The following FSHR variants were observed in gnomAD, a reference collection of about 807,000 sequenced individuals.
FSHR encodes follicle-stimulating hormone receptor.
In FSHR, 46 loss-of-function variants were observed where a neutral mutation model predicts 52.1. That is an observed-to-expected ratio of 0.88 (90% CI 0.70 to 1.13). FSHR has a LOEUF of 1.13. Ranked by LOEUF, FSHR falls within the 50% of genes most tolerant of loss-of-function variation. The pLI is 0.00. For synonymous variants in FSHR, 399 were observed against 309.6 expected, an observed-to-expected ratio of 1.29 and a Z score of -3.03; for missense variants, 964 against 834.6, an observed-to-expected ratio of 1.16 and a Z score of -1.91.
intron 2 of FSHR, among the ~76,000 whole-genome samples, chr2:49,043,818 G>A (rs1332016802): frequency 1.3e-5 from 2 of 152,164 alleles, no homozygotes; most frequent in East Asian, 1.9e-4. Flanking sequence ...ACCTCTTTGA[G>A]AAGACCTCGG....
chr2:49,037,234 G>C (rs1384902219), intron 2 of FSHR, among the ~76,000 whole-genome samples: 1 of 152,162 alleles, frequency 6.6e-6, no homozygotes, highest in East Asian at 1.9e-4. Context: ...GATTATGTTG[G>C]GTGAGAATTC....
chr2:49,059,341 G>C (rs1369792200), intron 2 of FSHR, among the ~76,000 whole-genome samples: 2 of 151,930 alleles, frequency 1.3e-5, no homozygotes, highest in African/African-American at 4.8e-5. Context: ...AAAGAACAAA[G>C]TTGGCAGCAT....
At chr2:49,036,288 C>T (rs1230463186) in intron 2 of FSHR, among the ~76,000 whole-genome samples, 1 of 151,824 alleles carries the variant, frequency 6.6e-6, no homozygotes, top group Non-Finnish European at 1.5e-5. Flanking sequence ...TTTATTACCA[C>T]CAAAAAAAGG....
chr2:48,964,595 A>G (rs1674385829), intron 9 of FSHR, among the ~76,000 whole-genome samples: 1 of 152,118 alleles, frequency 6.6e-6, no homozygotes, highest in Non-Finnish European at 1.5e-5. Flanking sequence ...AGGCCTCAGC[A>G]TGTGCTTGTC....
At chr2:49,151,441 G>A (rs1469736623) in intron 1 of FSHR, among the ~76,000 whole-genome samples, 1 of 152,118 alleles carries the variant, frequency 6.6e-6, no homozygotes, top group Admixed American at 6.6e-5. Context: ...CTACTTGCCT[G>A]TTGATGGTGC....
At chr2:49,007,930 C>T (rs1222981939) in intron 4 of FSHR, among the ~76,000 whole-genome samples, 1 of 151,930 alleles carries the variant, frequency 6.6e-6, no homozygotes, top group Non-Finnish European at 1.5e-5. Flanking sequence ...GATGAAGTCT[C>T]TTGCATGGGC....
intron 2 of FSHR, among the ~76,000 whole-genome samples, chr2:49,034,461 G>T (rs1668212964): frequency 6.6e-6 from 1 of 152,148 alleles, no homozygotes; most frequent in Non-Finnish European, 1.5e-5. Flanking sequence ...TCAATAGCTG[G>T]CATCTAGTTT....
intron 1 of FSHR, among the ~76,000 whole-genome samples, chr2:49,096,653 A>T (rs1572739456): frequency 1.3e-5 from 2 of 152,344 alleles, no homozygotes; most frequent in Middle Eastern, 6.8e-3. Context: ...TAATACTAAA[A>T]TGTTCAATTT....
intron 1 of FSHR, among the ~76,000 whole-genome samples, chr2:49,095,097 C>T (rs1670772463): frequency 6.6e-6 from 1 of 151,972 alleles, no homozygotes; most frequent in Admixed American, 6.6e-5. Context: ...ACGCTAGCTG[C>T]TTTTATTTTT....
intron 2 of FSHR, among the ~76,000 whole-genome samples, chr2:49,054,991 A>C (rs900991645): frequency 1.3e-5 from 2 of 152,182 alleles, no homozygotes; most frequent in African/African-American, 4.8e-5. Context: ...GCAAGGAAAC[A>C]TGACACCTTA....
intron 4 of FSHR, among the ~76,000 whole-genome samples, chr2:49,003,543 A>C (rs1189689633): frequency 2.0e-5 from 3 of 152,166 alleles, no homozygotes; most frequent in Non-Finnish European, 4.4e-5. Flanking sequence ...TTCAGCTAGA[A>C]TATTCCTGTA....
At chr2:49,098,972 CATT>C (rs1670928304) in intron 1 of FSHR, among the ~76,000 whole-genome samples, 1 of 150,742 alleles carries the variant, frequency 6.6e-6, no homozygotes, top group Non-Finnish European at 1.5e-5. Context: ...CACATACACA[CATT>C]AGAACTAGCA....
intron 2 of FSHR, among the ~76,000 whole-genome samples, chr2:49,057,269 G>C (rs1190701501): frequency 2.0e-5 from 3 of 151,944 alleles, no homozygotes; most frequent in Non-Finnish European, 4.4e-5. Flanking sequence ...CAAACCATTA[G>C]CTAGACTAAG....
chr2:49,127,883 C>T (rs1572781912), intron 1 of FSHR, among the ~76,000 whole-genome samples: 28 of 34,126 alleles, frequency 8.2e-4, no homozygotes, highest in African/African-American at 1.7e-3. Flanking sequence ...TCTTCTTCTT[C>T]TTCTTCTTCT....
intron 1 of FSHR, among the ~76,000 whole-genome samples, chr2:49,093,687 C>T (rs766706752): frequency 6.6e-6 from 1 of 151,482 alleles, no homozygotes; most frequent in Admixed American, 6.6e-5. Context: ...CTCTGCCTCC[C>T]GGGTTCAAGC....
chr2:49,017,226 C>A lies in FSHR; in HGVS notation c.374+263G>T, dbSNP rs60125835. Among the ~76,000 whole-genome samples, 2,711 of 152,240 alleles carry A rather than the reference C, an allele frequency of 0.018. 76 individuals carry two copies. Among genetic ancestry groups the A allele is most frequent in the African/African-American group, 0.061 (2,536 of 41,536 alleles). On this transcript the variant is annotated intron_variant, in intron 4 of 9. Transcript: ENST00000406846. ...CACTAAATTATGACTGAGTTCTGTA[C>A]GAGGTCCATGTGACCGTCCCATTAA...
intron 2 of FSHR, among the ~76,000 whole-genome samples, chr2:49,060,305 A>T (rs952090202): frequency 2.0e-5 from 3 of 152,216 alleles, no homozygotes; most frequent in Non-Finnish European, 4.4e-5. Flanking sequence ...CTGCAAATAC[A>T]ACTACCATAT....
chr2:49,145,074 C>A (rs1290425913), intron 1 of FSHR, among the ~76,000 whole-genome samples: 1 of 152,026 alleles, frequency 6.6e-6, no homozygotes, highest in African/African-American at 2.4e-5. Flanking sequence ...AGCTGGCATA[C>A]ACAGCCCATT....
chr2:49,036,853 C>G (rs890899937), intron 2 of FSHR, among the ~76,000 whole-genome samples: 10 of 152,104 alleles, frequency 6.6e-5, no homozygotes, highest in Non-Finnish European at 1.3e-4. Flanking sequence ...GATCCAGACA[C>G]AGTAATGCTG....
Sources: gnomAD v4.1 joint callset for allele counts (sites outside exome capture counted in the v4.1 genomes callset) on GRCh38, gnomAD v4.1.1 for gene constraint, MANE v1.5 for transcripts, NCBI Gene and HGNC (gene_info 2026-07-23, HGNC 2026-07-21) for gene names.